NBEA: variants seen among roughly 807,000 people sequenced by gnomAD.
The protein encoded by NBEA is neurobeachin.
In NBEA, 44 loss-of-function variants were observed where a neutral mutation model predicts 343.4. The observed-to-expected ratio is 0.13, with a 90% CI of 0.10 to 0.16. The LOEUF is 0.16. NBEA is among the 10% of genes least tolerant of loss of function. The pLI is 1.00. For synonymous variants in NBEA, 1,175 were observed against 1,238.7 expected, an observed-to-expected ratio of 0.95 and a Z score of 1.08; for missense variants, 2,555 against 3,631.3, an observed-to-expected ratio of 0.70 and a Z score of 7.62.
intron 18 of NBEA, among the ~76,000 whole-genome samples, chr13:35,145,575 C>T (rs1047976008): frequency 2.6e-5 from 4 of 152,176 alleles, no homozygotes; most frequent in Non-Finnish European, 4.4e-5. Context: ...CATTTCTGAA[C>T]AAGTGATGGC....
intron 40 of NBEA, among the ~76,000 whole-genome samples, chr13:35,465,300 C>T (rs776440112): frequency 6.6e-6 from 1 of 152,126 alleles, no homozygotes; most frequent in East Asian, 1.9e-4. Flanking sequence ...ATGACAGATA[C>T]TGTAATAGGT....
intron 36 of NBEA, among the ~76,000 whole-genome samples, chr13:35,341,770 G>C (rs2039599577): frequency 6.6e-6 from 1 of 152,082 alleles, no homozygotes; most frequent in Non-Finnish European, 1.5e-5. Flanking sequence ...CTCACACTTT[G>C]TTGGTGAGAA....
At chr13:35,022,111 G>T (rs573895516) in intron 1 of NBEA, among the ~76,000 whole-genome samples, 1 of 152,088 alleles carries the variant, frequency 6.6e-6, no homozygotes, top group African/African-American at 2.4e-5. Flanking sequence ...ATTTAAAAGT[G>T]TATAGTCGTT....
At chr13:35,454,190 G>A (rs2046444860) in intron 40 of NBEA, among the ~76,000 whole-genome samples, 1 of 152,148 alleles carries the variant, frequency 6.6e-6, no homozygotes, top group Admixed American at 6.5e-5. Context: ...AAGAAGTAAG[G>A]GATGGGTGTT....
At chr13:35,359,818 GTGTGTGTGTGTGTA>G (rs1242080127) in intron 38 of NBEA, among the ~76,000 whole-genome samples, 4 of 143,294 alleles carry the variant, frequency 2.8e-5, no homozygotes, top group Non-Finnish European at 6.1e-5. Flanking sequence ...AGTTTAATAG[GTGTGTGTGTGTGTA>G]TGTGTGTGTG....
chr13:35,332,363 G>A (rs1365764632), intron 36 of NBEA, among the ~76,000 whole-genome samples: 3 of 152,016 alleles, frequency 2.0e-5, no homozygotes, highest in African/African-American at 7.2e-5. Context: ...GAAATAGCAT[G>A]ACTCATTAAA....
At chr13:35,180,916 A>G (rs1386779261) in intron 28 of NBEA, among the ~76,000 whole-genome samples, 1 of 151,726 alleles carries the variant, frequency 6.6e-6, no homozygotes, top group Non-Finnish European at 1.5e-5. Flanking sequence ...GTGAGAACAT[A>G]TGATGGTTTT....
intron 1 of NBEA, among the ~76,000 whole-genome samples, chr13:35,020,454 T>C (rs2061798413): frequency 1.3e-5 from 2 of 152,338 alleles, no homozygotes; most frequent in Admixed American, 1.3e-4. Flanking sequence ...CTATATTTTC[T>C]GCTGTTGGAT....
At chr13:35,653,488 G>A (rs1284092807) in intron 53 of NBEA, among the ~76,000 whole-genome samples, 2 of 151,810 alleles carry the variant, frequency 1.3e-5, no homozygotes, top group Non-Finnish European at 2.9e-5. Flanking sequence ...GCACCACCAC[G>A]CCTGTCTAAT....
At chr13:35,569,896 CAT>C (rs1167929264) in intron 45 of NBEA, among the ~76,000 whole-genome samples, 2 of 152,168 alleles carry the variant, frequency 1.3e-5, no homozygotes, top group Non-Finnish European at 2.9e-5. Flanking sequence ...CATCTGGTAA[CAT>C]ATTTGCTGGT....
intron 47 of NBEA, among the ~76,000 whole-genome samples, chr13:35,595,125 G>C (rs1400480259): frequency 2.0e-5 from 3 of 151,906 alleles, no homozygotes; most frequent in African/African-American, 7.3e-5. Context: ...ACCAGTCTCT[G>C]ATAACCGATG....
At chr13:35,334,254 G>A (rs1012554094) in intron 36 of NBEA, among the ~76,000 whole-genome samples, 1 of 151,970 alleles carries the variant, frequency 6.6e-6, no homozygotes, top group Non-Finnish European at 1.5e-5. Context: ...GGCATGAGAT[G>A]GTATCTCATT....
rs983406395 is a variant in NBEA at position 34,956,857 on chromosome 13, T to C, written c.294+13743T>C. ...CTGAAATCCTGTGCCCATTAAATAG[T>C]AACTTCCATTTCTCCTCTCCCAACC... On this transcript the variant is annotated intron_variant, in intron 1 of 58. Transcript: ENST00000379939. 1.2e-4 allele frequency among the ~76,000 whole-genome samples: 19 copies of C among 152,254 alleles called. 1 individual carries two copies. The highest frequency in any genetic ancestry group is 4.1e-4 in the South Asian group (2 of 4,826).
intron 1 of NBEA, among the ~76,000 whole-genome samples, chr13:34,991,974 G>GTT (rs75151092): frequency 1.1e-4 from 15 of 134,588 alleles, no homozygotes; most frequent in African/African-American, 4.1e-4. Context: ...TCTTATGGTT[G>GTT]TTTTTTTTTT....
chr13:35,326,442 G>A (rs2038563129), intron 36 of NBEA, among the ~76,000 whole-genome samples: 1 of 152,014 alleles, frequency 6.6e-6, no homozygotes, highest in South Asian at 2.1e-4. Flanking sequence ...AAACTTGAAT[G>A]TTATTGGTGT....
At chr13:35,109,236 A>G in intron 11 of NBEA, 54 bp from the exon 12 acceptor site, 1 of 1,451,276 alleles carries the variant, frequency 6.9e-7, no homozygotes, top group South Asian at 1.5e-5. Flanking sequence ...ATCAGAAATT[A>G]TACAATTTGA....
chr13:35,117,918 ATTGTT>A (rs1214426047), intron 14 of NBEA, among the ~76,000 whole-genome samples: 1 of 152,058 alleles, frequency 6.6e-6, no homozygotes, highest in Non-Finnish European at 1.5e-5. Context: ...TTGCATTTAT[ATTGTT>A]TTAAGGAAAG....
At chr13:35,571,255 C>T (rs1053651865) in intron 45 of NBEA, among the ~76,000 whole-genome samples, 1 of 152,122 alleles carries the variant, frequency 6.6e-6, no homozygotes, top group Non-Finnish European at 1.5e-5. Flanking sequence ...TATACCACCA[C>T]ATTACACAGG....
At chr13:35,599,395 T>A (rs1391399353) in intron 47 of NBEA, among the ~76,000 whole-genome samples, 1 of 152,198 alleles carries the variant, frequency 6.6e-6, no homozygotes, top group Non-Finnish European at 1.5e-5. Context: ...ACAGCTAACC[T>A]CTAAGCCACA....
Sources: gnomAD v4.1 joint callset for allele counts (sites outside exome capture counted in the v4.1 genomes callset) on GRCh38, gnomAD v4.1.1 for gene constraint, MANE v1.5 for transcripts, NCBI Gene and HGNC (gene_info 2026-07-23, HGNC 2026-07-21) for gene names.